Variants in EPS8L3 observed in about 807,000 individuals in gnomAD.
EPS8L3 encodes EPS8 signaling adaptor L3, also known as epidermal growth factor receptor kinase substrate 8-like protein 3.
EPS8L3 carries 80 observed loss-of-function variants against 88.5 expected under a neutral mutation model. The ratio of observed to expected loss-of-function variants is 0.90; its 90% CI spans 0.75 to 1.09. The LOEUF is 1.09. EPS8L3 is among the 50% of genes least tolerant of loss of function. EPS8L3 has a pLI of 0.00. For synonymous variants in EPS8L3, 286 were observed against 291.0 expected (o/e 0.98, Z 0.18); for missense variants, 721 against 735.2 (o/e 0.98, Z 0.22).
At chr1:109,751,939 G>A in intron 15 of EPS8L3, 56 bp downstream of exon 15, 2 of 1,563,070 alleles carry the variant, frequency 1.3e-6, no homozygotes, top group Non-Finnish European at 1.7e-6. Context: ...ACCCTTGGCT[G>A]CCTGTAGCTC....
At position 109,759,632 on chromosome 1, in the gene EPS8L3, C is replaced by T. The variant is rs1423312657; in HGVS notation, c.255+46G>A. 1 of 1,598,604 alleles carries T rather than the reference C, an allele frequency of 6.3e-7. No individual in the cohort carries two copies. Among genetic ancestry groups the T allele is most frequent in the South Asian group, 1.1e-5 (1 of 88,646 alleles). ...GAGTTCAAGAGCTAGTGCTTGCTTC[C>T]CCACAGCCCAGGCTGGCTATCACTG... On this transcript the variant is annotated intron_variant, in intron 4 of 18. Transcript: ENST00000361965. This position sits in a 1 kb window ranked among gnomAD's most constrained non-coding sequence, Gnocchi z 4.2.
chr1:109,754,106 C>T (rs1650058927), intron 12 of EPS8L3, among the ~76,000 whole-genome samples: 1 of 151,568 alleles, frequency 6.6e-6, no homozygotes, highest in African/African-American at 2.4e-5. Context: ...GGGTCTTGAC[C>T]CTAATACTAC....
rs773374660 is a variant in EPS8L3, at chr1:109,757,206, A to G, written c.970-41T>C. ...AAGGTGTCAGGAAGCCTAGGCTCCCACAGGGCCCAGTGAGGGTGGGAAAGG... is the reference window on the plus strand; with the variant it reads ...AAGGTGTCAGGAAGCCTAGGCTCCCGCAGGGCCCAGTGAGGGTGGGAAAGG... On this transcript the variant is annotated intron_variant, in intron 11 of 18. Coordinates refer to ENST00000361965, the MANE Select transcript of EPS8L3 (RefSeq NM_133181.4). The G allele has an allele frequency of 3.2e-6, 5 of 1,554,910 alleles. No individual in the cohort carries two copies. The African/African-American group carries it at 5.5e-5, about 17-fold the overall frequency.
intron 18 of EPS8L3, 121 bp from the exon 19 acceptor site, chr1:109,750,523 G>A (rs1649678929): frequency 7.0e-6 from 11 of 1,574,970 alleles, no homozygotes; most frequent in Non-Finnish European, 8.7e-6. Context: ...GCCCCTGGGG[G>A]AATATCCTGT....
At chr1:109,758,238 G>A in intron 8 of EPS8L3, 78 bp downstream of exon 8, 3 of 1,442,348 alleles carry the variant, frequency 2.1e-6, no homozygotes, top group Non-Finnish European at 2.9e-6. Flanking sequence ...TGGCCTCCTA[G>A]AAAAAGAGGG....
Position 109,759,480 on chromosome 1 carries a change from C to T in EPS8L3, c.256-93G>A. On this transcript the variant is annotated intron_variant, in intron 4 of 18. Coordinates refer to ENST00000361965, the MANE Select transcript of EPS8L3 (RefSeq NM_133181.4). The surrounding 1 kb of genome is among the most constrained non-coding windows in gnomAD (Gnocchi z 4.2). ...CAGCTCATCCTAGCCCTTTGGTGGC[C>T]TAGGGCTGAGGTGTCATCTACCTGA... 6.4e-7 allele frequency: 1 copy of T among 1,560,000 alleles called. No homozygotes were observed. Among genetic ancestry groups the T allele is most frequent in the African/African-American group, 1.4e-5 (1 of 73,796 alleles).
chr1:109,757,082 C>T lies in EPS8L3; in HGVS notation c.1053G>A (p.Gln351=), dbSNP rs1275250816. The change falls in exon 12 of 19, where the codon CAG becomes CAA. Residue 351 remains glutamine (Q), a synonymous_variant. Transcript: ENST00000361965. Reference sequence around the variant, plus strand: ...TACTCTCAGGTGGGCTTAGACAGGACTGTAGCAGGTTGATAGCTTTAGGGG... The same window carrying T: ...TACTCTCAGGTGGGCTTAGACAGGATTGTAGCAGGTTGATAGCTTTAGGGG... ...LLTPKAINLL[Q]SCLSPPESNL... 1 of 1,614,068 alleles carries T rather than the reference C, an allele frequency of 6.2e-7. No individual in the cohort carries two copies. The highest frequency in any genetic ancestry group is 2.2e-5 in the East Asian group (1 of 44,890).
intron 1 of EPS8L3, among the ~76,000 whole-genome samples, chr1:109,763,256 G>T (rs575656456): frequency 6.6e-6 from 1 of 152,154 alleles, no homozygotes; most frequent in Non-Finnish European, 1.5e-5. Context: ...GTAAGGCGGG[G>T]CTAGAAGCCT....
At position 109,759,204 on chromosome 1, in the gene EPS8L3, C is replaced by T. The variant is rs372014631; in HGVS notation, c.405+34G>A. On this transcript the variant is annotated intron_variant, in intron 5 of 18. Coordinates refer to ENST00000361965, the MANE Select transcript of EPS8L3 (RefSeq NM_133181.4). This position sits in a 1 kb window ranked among gnomAD's most constrained non-coding sequence, Gnocchi z 4.2. ...GTGTGGTGGGGTGATGGTCGATGAA[C>T]CCCACCCCTGACCAATCACCCCCGA... The T allele has an allele frequency of 1.9e-5, 31 of 1,607,832 alleles. No homozygotes were observed. In the African/African-American group the frequency reaches 3.7e-4, roughly 19 times the overall value.
At chr1:109,756,422 GA>G (rs1650288974) in intron 12 of EPS8L3, among the ~76,000 whole-genome samples, 1 of 152,204 alleles carries the variant, frequency 6.6e-6, no homozygotes, top group Non-Finnish European at 1.5e-5. Flanking sequence ...ATATTTAGAA[GA>G]GACGGGTTTT....
chr1:109,754,120 G>A (rs56338106), intron 12 of EPS8L3, among the ~76,000 whole-genome samples: 7,600 of 152,124 alleles, frequency 0.05, 597 homozygotes, highest in African/African-American at 0.17. Context: ...ATACTACTCC[G>A]TATAAGCTGT....
Position 109,759,880 on chromosome 1 carries a change from G to C in EPS8L3, c.97-44C>G. 4 of 1,602,742 alleles carry C rather than the reference G, an allele frequency of 2.5e-6. No individual in the cohort carries two copies. Among genetic ancestry groups the C allele is most frequent in the Non-Finnish European group, 3.4e-6 (4 of 1,173,944 alleles). ...TCCTAGGACTGGGAGAAAGCTCAGA[G>C]AGGTGGACCACAGGCGTGCTGGGTA... On this transcript the variant is annotated intron_variant, in intron 3 of 18. Coordinates refer to ENST00000361965, the MANE Select transcript of EPS8L3 (RefSeq NM_133181.4). This position sits in a 1 kb window ranked among gnomAD's most constrained non-coding sequence, Gnocchi z 4.2.
In EPS8L3 at chr1:109,758,523, C is replaced by G; in HGVS notation, c.601+1G>C. Reference sequence around the variant, plus strand: ...CACCTGCCCCCATGCCCCAAACTTACTGTGCTCTAGGGTCCTCTGGTGGGG... The same window carrying G: ...CACCTGCCCCCATGCCCCAAACTTAGTGTGCTCTAGGGTCCTCTGGTGGGG... On this transcript the variant is annotated splice_donor_variant, in intron 7 of 18. Transcript: ENST00000361965. LOFTEE classifies it high-confidence loss of function. 1 of 1,583,248 alleles carries G rather than the reference C, an allele frequency of 6.3e-7. No homozygotes were observed. The highest frequency in any genetic ancestry group is 8.6e-7 in the Non-Finnish European group (1 of 1,164,778).
intron 12 of EPS8L3, among the ~76,000 whole-genome samples, chr1:109,754,920 T>C (rs1468780419): frequency 1.3e-5 from 2 of 152,210 alleles, no homozygotes; most frequent in Non-Finnish European, 2.9e-5. Flanking sequence ...GGTCCAGAAC[T>C]GATAAGTAAT....
chr1:109,761,867 G>A (rs552454011), intron 1 of EPS8L3, 94 bp from the exon 2 acceptor site: 22 of 1,140,994 alleles, frequency 1.9e-5, no homozygotes, highest in Non-Finnish European at 2.9e-5. Context: ...CTCTGACTGG[G>A]GGCCTCTGGG....
At chr1:109,752,968 G>C in intron 13 of EPS8L3, 149 bp downstream of exon 13, 1 of 729,958 alleles carries the variant, frequency 1.4e-6, no homozygotes, top group Non-Finnish European at 2.3e-6. Flanking sequence ...CCTGTTTGCA[G>C]TCTGGTGGTG....
rs1369239544 is a variant in EPS8L3 at position 109,761,760 on chromosome 1, C to A, written c.-11G>T. ...GCTGGGCCTTGACATGTTGACGCTG[C>A]TGAGGACGGCTCCCTAGAACCCAAA... is the stretch of plus-strand genomic sequence containing the variant. On this transcript the variant is annotated 5_prime_UTR_variant, in exon 2 of 19. Transcript: ENST00000361965. 3.1e-6 allele frequency: 5 copies of A among 1,613,874 alleles called. No individual in the cohort carries two copies. The highest frequency in any genetic ancestry group is 4.2e-6 in the Non-Finnish European group (5 of 1,179,996).
Position 109,750,381 on chromosome 1 carries a change from A to G in EPS8L3, c.*10T>C, listed in dbSNP as rs777842051. The G allele has an allele frequency of 1.2e-6, 2 of 1,613,770 alleles. No individual in the cohort carries two copies. The highest frequency in any genetic ancestry group is 1.7e-6 in the Non-Finnish European group (2 of 1,179,874). On this transcript the variant is annotated 3_prime_UTR_variant, in exon 19 of 19. Coordinates refer to ENST00000361965, the MANE Select transcript of EPS8L3 (RefSeq NM_133181.4). ...CGGGGCCTGGTTCTTGGAGGTGTCT[A>G]AGCTGGTGCCTAAGGGCTTATCTGA...
At chr1:109,750,485 C>T in intron 18 of EPS8L3, 83 bp from the exon 19 acceptor site, 1 of 1,595,892 alleles carries the variant, frequency 6.3e-7, no homozygotes, top group South Asian at 1.1e-5. Context: ...CTTGGAGCCT[C>T]AAGGTAAGCC....
Sources: gnomAD v4.1 joint callset for allele counts (sites outside exome capture counted in the v4.1 genomes callset) on GRCh38, gnomAD v4.1.1 for gene constraint, Gnocchi (gnomAD v3.1) non-coding constraint, MANE v1.5 for transcripts, NCBI Gene and HGNC (gene_info 2026-07-23, HGNC 2026-07-21) for gene names.